ZKSCAN1: variants seen among roughly 807,000 people sequenced by gnomAD.
ZKSCAN1 encodes zinc finger with KRAB and SCAN domains 1.
A neutral mutation model predicts 51.6 loss-of-function variants in ZKSCAN1; 14 were observed. The ratio of observed to expected loss-of-function variants is 0.27; its 90% CI spans 0.18 to 0.42. ZKSCAN1 has a LOEUF of 0.42. ZKSCAN1 is among the 10% of genes least tolerant of loss of function. The probability of loss-of-function intolerance (pLI) is 1.00; values close to 1 mark genes in which losing one functional copy is unlikely to be tolerated. For synonymous variants in ZKSCAN1, 263 were observed against 261.5 expected (o/e 1.01, Z -0.06); for missense variants, 531 against 710.0 (o/e 0.75, Z 2.86).
Position 100,039,822 on chromosome 7 carries a change from G to T in ZKSCAN1, c.*5625G>T. 1 of 985,398 alleles carries T rather than the reference G, an allele frequency of 1.0e-6. No individual in the cohort carries two copies. 61.0% of individuals were successfully genotyped at this position (985,398 alleles called of 1,614,324 possible). A position where few individuals can be genotyped will look rare whatever the true frequency, so the allele number is the denominator to read the frequency against. ...GGTTTTCCCATCTGGGAAATGGGGT[G>T]AAAGTCTGCAGATTGTTAAATGAAA... is the stretch of plus-strand genomic sequence containing the variant. On this transcript the variant is annotated 3_prime_UTR_variant, in exon 6 of 6. Coordinates refer to ENST00000324306, the MANE Select transcript of ZKSCAN1 (RefSeq NM_003439.4).
chr7:100,031,599 T>G (rs1791109119), intron 5 of ZKSCAN1, among the ~76,000 whole-genome samples: 1 of 152,148 alleles, frequency 6.6e-6, no homozygotes, highest in African/African-American at 2.4e-5. Flanking sequence ...TGTTTTCTGT[T>G]TCTTTTTTGT....
In ZKSCAN1 at chr7:100,041,199, C is replaced by A; in HGVS notation, c.*7002C>A. ...GCTTCTTCGTTTAGAATAAATTAGACCAAAAGAAGAAACGTGCTTGTCTCT... is the reference window on the plus strand; with the variant it reads ...GCTTCTTCGTTTAGAATAAATTAGAACAAAAGAAGAAACGTGCTTGTCTCT... On this transcript the variant is annotated 3_prime_UTR_variant, in exon 6 of 6. Coordinates refer to ENST00000324306, the MANE Select transcript of ZKSCAN1 (RefSeq NM_003439.4). 1 of 749,462 alleles carries A rather than the reference C, an allele frequency of 1.3e-6. No homozygotes were observed. Among genetic ancestry groups the A allele is most frequent in the Non-Finnish European group, 1.6e-6 (1 of 614,768 alleles). 46.4% of individuals were successfully genotyped at this position (749,462 alleles called of 1,614,324 possible). A position where few individuals can be genotyped will look rare whatever the true frequency, so the allele number is the denominator to read the frequency against.
Position 100,023,519 on chromosome 7 carries a change from G to A in ZKSCAN1, c.13G>A (p.Glu5Lys). Residue 5 changes from glutamate (E) to lysine (K), a missense_variant, in exon 2 of 6, where the codon GAA becomes AAA. Glu to Lys is a moderately conservative substitution (Grantham distance 56, BLOSUM62 1). Coordinates refer to ENST00000324306, the MANE Select transcript of ZKSCAN1 (RefSeq NM_003439.4). The part of the protein sequence containing the change: MMTA[E>K]SREATGLSPQ... ...TCCTGGAGCCTGAATGATGACTGCTGAATCACGGGAAGCCACGGGTCTGTC... is the reference window on the plus strand; with the variant it reads ...TCCTGGAGCCTGAATGATGACTGCTAAATCACGGGAAGCCACGGGTCTGTC... 5 of 1,610,902 alleles carry A rather than the reference G, an allele frequency of 3.1e-6. No individual in the cohort carries two copies. The highest frequency in any genetic ancestry group is 4.2e-6 in the Non-Finnish European group (5 of 1,178,928).
chr7:100,025,185 T>TAAA (rs1444746311), intron 3 of ZKSCAN1, among the ~76,000 whole-genome samples: 1 of 151,986 alleles, frequency 6.6e-6, no homozygotes, highest in Non-Finnish European at 1.5e-5. Flanking sequence ...ATTTTCAGCC[T>TAAA]AGGTTTTAAA....
At position 100,033,804 on chromosome 7, in the gene ZKSCAN1, T is replaced by C. The variant is rs1791222875; in HGVS notation, c.1299T>C (p.His433=). The change falls in exon 6 of 6, where the codon CAT becomes CAC. Residue 433 remains histidine (H), a synonymous_variant. Transcript: ENST00000324306. This position sits in a 1 kb window ranked among gnomAD's most constrained non-coding sequence, Gnocchi z 4.1. Reference sequence around the variant, plus strand: ...GGATCCACACAGGAGAGAAACCTCATGAATGTAACGAGTGTGGCAAGGCCT... The same window carrying C: ...GGATCCACACAGGAGAGAAACCTCACGAATGTAACGAGTGTGGCAAGGCCT... The part of the protein sequence containing the change: ...HQRIHTGEKP[H]ECNECGKAFS... 1 of 1,614,224 alleles carries C rather than the reference T, an allele frequency of 6.2e-7. No individual in the cohort carries two copies. Among genetic ancestry groups the C allele is most frequent in the Non-Finnish European group, 8.5e-7 (1 of 1,180,040 alleles).
rs538964102 is a variant in ZKSCAN1 at position 100,038,476 on chromosome 7, C to A, written c.*4279C>A. On this transcript the variant is annotated 3_prime_UTR_variant, in exon 6 of 6. Transcript: ENST00000324306. ...ACTGAAATGGAACAACTCCTTTAAA[C>A]GTGCAGCCTTTTGAATTTTTCCTCA... is the stretch of plus-strand genomic sequence containing the variant. The A allele has an allele frequency of 3.0e-6, 3 of 985,442 alleles. No homozygotes were observed. In the East Asian group the frequency reaches 3.4e-4, roughly 112 times the overall value. The allele number at this position is 985,442 out of a possible 1,614,324, so 61.0% of individuals were successfully genotyped here.
chr7:100,019,525 C>CA (rs1201168881), intron 1 of ZKSCAN1, among the ~76,000 whole-genome samples: 1 of 151,602 alleles, frequency 6.6e-6, no homozygotes, highest in Non-Finnish European at 1.5e-5. Flanking sequence ...TCTTCATTGT[C>CA]ACGTTCATAG....
rs117790194 is a variant in ZKSCAN1, at chr7:100,034,594, G to C, written c.*397G>C. The C allele has an allele frequency of 2.7e-4, 266 of 993,816 alleles. 1 individual carries two copies. In the East Asian group the frequency reaches 7.9e-3, roughly 30 times the overall value. The allele number at this position is 993,816 out of a possible 1,614,324, so 61.6% of individuals were successfully genotyped here. A position where few individuals can be genotyped will look rare whatever the true frequency, so the allele number is the denominator to read the frequency against. On this transcript the variant is annotated 3_prime_UTR_variant, in exon 6 of 6. Transcript: ENST00000324306. ...TACGGAGGTTAGGATGCTACTTGCT[G>C]CAAACAAGCCCTACTTTGGCCAACA...
intron 1 of ZKSCAN1, among the ~76,000 whole-genome samples, chr7:100,016,104 A>T (rs1369600373): frequency 6.6e-6 from 1 of 151,956 alleles, no homozygotes; most frequent in Non-Finnish European, 1.5e-5. Context: ...CTTAGTCGCC[A>T]TTTGCTTTGA....
chr7:100,032,140 A>G (rs1228829025), intron 5 of ZKSCAN1, among the ~76,000 whole-genome samples: 1 of 152,220 alleles, frequency 6.6e-6, no homozygotes, highest in Non-Finnish European at 1.5e-5. Flanking sequence ...TAGAAAACTC[A>G]CAGAATTGGA....
At chr7:100,028,685 A>G (rs888992019) in intron 3 of ZKSCAN1, among the ~76,000 whole-genome samples, 3 of 148,238 alleles carry the variant, frequency 2.0e-5, no homozygotes, top group African/African-American at 7.5e-5. Context: ...AATTTTCATA[A>G]TTGTTATGCA....
Position 100,033,376 on chromosome 7 carries a change from G to C in ZKSCAN1, c.871G>C (p.Gly291Arg). 1.9e-6 allele frequency: 3 copies of C among 1,614,040 alleles called. No homozygotes were observed. Among genetic ancestry groups the C allele is most frequent in the South Asian group, 1.1e-5 (1 of 91,064 alleles). Residue 291 changes from glycine (G) to arginine (R), a missense_variant, in exon 6 of 6, where the codon GGG (glycine) becomes CGG (arginine). Physicochemically the swap from Gly to Arg is moderately radical, Grantham distance 125. Transcript: ENST00000324306. This position sits in a 1 kb window ranked among gnomAD's most constrained non-coding sequence, Gnocchi z 4.1. ...AETSEDSASRGETTGRSQKEF... is the reference protein window; with the variant it reads ...AETSEDSASRRETTGRSQKEF... ...AACCTCGGAAGATTCAGCATCACGC[G>C]GGGAGACAACAGGAAGATCCCAGAA... is the stretch of plus-strand genomic sequence containing the variant.
rs1791291616 is a variant in ZKSCAN1, at chr7:100,035,039, C to T, written c.*842C>T. On this transcript the variant is annotated 3_prime_UTR_variant, in exon 6 of 6. Transcript: ENST00000324306. ...TCATGTATGAAGTTTTTAATCACCC[C>T]CTAACCCCCAAAAAAGATTCGGTTG... 6.6e-6 allele frequency: 1 copy of T among 152,662 alleles called. No individual in the cohort carries two copies. Among genetic ancestry groups the T allele is most frequent in the Admixed American group, 6.5e-5 (1 of 15,272 alleles). The allele number at this position is 152,662 out of a possible 1,614,324, so 9.5% of individuals were successfully genotyped here.
At chr7:100,022,519 T>C (rs966580514) in intron 1 of ZKSCAN1, among the ~76,000 whole-genome samples, 2 of 152,194 alleles carry the variant, frequency 1.3e-5, no homozygotes, top group Non-Finnish European at 2.9e-5. Context: ...ATACAGACAT[T>C]CCAATTATTT....
At chr7:100,043,161 G>C (rs990106680), downstream of ZKSCAN1, among the ~76,000 whole-genome samples, 2 of 150,838 alleles carry the variant, frequency 1.3e-5, no homozygotes, top group Admixed American at 6.6e-5. Flanking sequence ...TGAACTCTTG[G>C]GCTCAAGTGA....
chr7:100,041,151 C>T lies in ZKSCAN1; in HGVS notation c.*6954C>T, dbSNP rs768764987. ...ATTTGTAGACTGGATTAAAAACAAC[C>T]TGTCCTGTTTTGTCAGTTCCCAGCT... On this transcript the variant is annotated 3_prime_UTR_variant, in exon 6 of 6. Coordinates refer to ENST00000324306, the MANE Select transcript of ZKSCAN1 (RefSeq NM_003439.4). 3.6e-5 allele frequency: 27 copies of T among 751,036 alleles called. No homozygotes were observed. Among genetic ancestry groups the T allele is most frequent in the Non-Finnish European group, 4.2e-5 (26 of 616,152 alleles). The allele number at this position is 751,036 out of a possible 1,614,324, so 46.5% of individuals were successfully genotyped here.
At chr7:100,025,476 T>A (rs1057486859) in intron 3 of ZKSCAN1, among the ~76,000 whole-genome samples, 2 of 152,236 alleles carry the variant, frequency 1.3e-5, no homozygotes, top group Non-Finnish European at 2.9e-5. Context: ...TTACTTGTTT[T>A]TTCTCTTTTG....
chr7:100,029,776 G>T (rs1034719063), intron 3 of ZKSCAN1, 85 bp from the exon 4 acceptor site: 3 of 1,271,666 alleles, frequency 2.4e-6, no homozygotes, highest in Non-Finnish European at 3.4e-6. Context: ...ACATGCTGGT[G>T]CAGGAAGGAA....
Position 100,036,636 on chromosome 7 carries a change from T to C in ZKSCAN1, c.*2439T>C. On this transcript the variant is annotated 3_prime_UTR_variant, in exon 6 of 6. Coordinates refer to ENST00000324306, the MANE Select transcript of ZKSCAN1 (RefSeq NM_003439.4). The stretch of plus-strand genomic sequence containing the variant: ...GGGAGGCTGAGGCAGGAGAATCACT[T>C]GAACCCAGGAGGCAGAGGTTGCAGT... 1.2e-6 allele frequency: 1 copy of C among 808,006 alleles called. No homozygotes were observed. Among genetic ancestry groups the C allele is most frequent in the Non-Finnish European group, 1.5e-6 (1 of 668,950 alleles). 50.1% of individuals were successfully genotyped at this position (808,006 alleles called of 1,614,324 possible).
Sources: gnomAD v4.1 joint callset for allele counts (sites outside exome capture counted in the v4.1 genomes callset) on GRCh38, gnomAD v4.1.1 for gene constraint, Gnocchi (gnomAD v3.1) non-coding constraint, MANE v1.5 for transcripts, NCBI Gene and HGNC (gene_info 2026-07-23, HGNC 2026-07-21) for gene names.